PLEKHA1: variants seen among roughly 807,000 people sequenced by gnomAD.
PLEKHA1 encodes pleckstrin homology domain containing A1, also known as pleckstrin homology domain-containing family A member 1.
Under a neutral mutation model 52.0 loss-of-function variants are expected in PLEKHA1, and 34 were observed. The observed-to-expected ratio is 0.65, with a 90% CI of 0.50 to 0.87. PLEKHA1 has a LOEUF of 0.87. Among genes scored for constraint, PLEKHA1 ranks in the 40% least tolerant of loss-of-function variants. PLEKHA1 has a pLI of 0.00. For synonymous variants in PLEKHA1, 163 were observed against 170.7 expected, an observed-to-expected ratio of 0.95 and a Z score of 0.35; for missense variants, 497 against 504.2, an observed-to-expected ratio of 0.99 and a Z score of 0.14.
chr10:122,414,142 C>T (rs2097142883), intron 6 of PLEKHA1, among the ~76,000 whole-genome samples: 1 of 152,180 alleles, frequency 6.6e-6, no homozygotes, highest in East Asian at 1.9e-4. Context: ...TGATTTTAAA[C>T]TGTTAACCTT....
intron 1 of PLEKHA1, among the ~76,000 whole-genome samples, chr10:122,376,598 A>C (rs936299178): frequency 1.3e-5 from 2 of 151,512 alleles, no homozygotes; most frequent in Non-Finnish European, 2.9e-5. Flanking sequence ...TTATCTTGTT[A>C]ATTAGTATTT....
the PLEKHA1 span, chr10:122,440,707 C>A: frequency 2.6e-5 from 4 of 152,130 alleles, no homozygotes; most frequent in Non-Finnish European, 5.9e-5. Flanking sequence ...ACTGTAGTCC[C>A]TTTTAAAAGC....
At chr10:122,395,416 A>G (rs1565176291) in intron 2 of PLEKHA1, among the ~76,000 whole-genome samples, 1 of 152,136 alleles carries the variant, frequency 6.6e-6, no homozygotes, top group Non-Finnish European at 1.5e-5. Flanking sequence ...TAAATGTAAT[A>G]ATCAAGACAT....
chr10:122,404,972 A>G lies in PLEKHA1; in HGVS notation c.245-1604A>G, dbSNP rs544636686. ...GGAGACGTTTGGAAGTTATTTTTAT[A>G]TTTGAACAATTGCAACAGTATAACT... On this transcript the variant is annotated intron_variant, in intron 4 of 11. Coordinates refer to ENST00000368990, the MANE Select transcript of PLEKHA1 (RefSeq NM_001001974.4). Among the ~76,000 whole-genome samples the G allele has an allele frequency of 2.0e-5, 3 of 152,310 alleles. No individual in the cohort carries two copies. In the South Asian group the frequency reaches 6.2e-4, roughly 32 times the overall value.
At chr10:122,426,790 TA>T (rs2133613176) in intron 10 of PLEKHA1, 151 bp from the exon 11 acceptor site, 2 of 678,096 alleles carry the variant, frequency 2.9e-6, no homozygotes, top group Non-Finnish European at 4.8e-6. Flanking sequence ...AACCTGGCTT[TA>T]AAAAAATGAT....
chr10:122,390,352 T>G (rs2096759108), intron 1 of PLEKHA1, among the ~76,000 whole-genome samples: 1 of 152,396 alleles, frequency 6.6e-6, no homozygotes, highest in South Asian at 2.1e-4. Context: ...GTAGCACTTT[T>G]AATTTCCTTC....
chr10:122,376,029 T>G (rs1020658500), intron 1 of PLEKHA1, among the ~76,000 whole-genome samples: 1 of 152,220 alleles, frequency 6.6e-6, no homozygotes, highest in Non-Finnish European at 1.5e-5. Context: ...TCTGCTTTAT[T>G]TTCCCAAGTA....
chr10:122,402,388 C>T lies in PLEKHA1; in HGVS notation c.244+2000C>T, dbSNP rs528418241. On this transcript the variant is annotated intron_variant, in intron 4 of 11. Transcript: ENST00000368990. Reference sequence around the variant, plus strand: ...CCACAACTTTCATTCAAAGTGGCAACATATCTTCTCTCAGATTGTCCCAAA... The same window carrying T: ...CCACAACTTTCATTCAAAGTGGCAATATATCTTCTCTCAGATTGTCCCAAA... Among the ~76,000 whole-genome samples the T allele has an allele frequency of 1.1e-4, 17 of 152,322 alleles. No individual in the cohort carries two copies. The South Asian group carries it at 3.5e-3, about 32-fold the overall frequency.
intron 3 of PLEKHA1, among the ~76,000 whole-genome samples, chr10:122,398,379 A>G (rs1203235276): frequency 6.6e-6 from 1 of 152,070 alleles, no homozygotes; most frequent in Non-Finnish European, 1.5e-5. Context: ...TGAGGAAAAT[A>G]TGGACCATTT....
chr10:122,392,406 C>T (rs2096788623), intron 1 of PLEKHA1: 1 of 152,082 alleles, frequency 6.6e-6, no homozygotes. Flanking sequence ...ATCTAAAAAA[C>T]ATTTTTTCTT....
At chr10:122,436,629 G>A (rs1452763917), downstream of PLEKHA1, 1 of 152,178 alleles carries the variant, frequency 6.6e-6, no homozygotes, top group African/African-American at 2.4e-5. Flanking sequence ...TGTCCACGAG[G>A]AATCTGCCGA....
chr10:122,416,475 A>C (rs1174679040), intron 7 of PLEKHA1, among the ~76,000 whole-genome samples: 1 of 152,170 alleles, frequency 6.6e-6, no homozygotes, highest in Non-Finnish European at 1.5e-5. Context: ...TTCTGTCTTA[A>C]GGAATATCAT....
chr10:122,406,927 G>A lies in PLEKHA1; in HGVS notation c.342+254G>A, dbSNP rs1590655269. 3.9e-5 allele frequency among the ~76,000 whole-genome samples: 6 copies of A among 152,280 alleles called. 1 individual carries two copies. In the South Asian group the frequency reaches 1.0e-3, roughly 26 times the overall value. On this transcript the variant is annotated intron_variant, in intron 5 of 11. Coordinates refer to ENST00000368990, the MANE Select transcript of PLEKHA1 (RefSeq NM_001001974.4). The stretch of plus-strand genomic sequence containing the variant: ...TTACTGCAGATCTTAATCACTTCTT[G>A]CAACGTTTCTAGGAGAAAATGCGCT...
At chr10:122,387,542 A>G (rs2133863078) in intron 1 of PLEKHA1, 1 of 152,316 alleles carries the variant, frequency 6.6e-6, no homozygotes, top group South Asian at 2.1e-4. Context: ...TTTATATGGT[A>G]TATACCTGAG....
chr10:122,416,029 A>G (rs762015082), intron 7 of PLEKHA1, 27 bp downstream of exon 7: 2 of 1,574,698 alleles, frequency 1.3e-6, no homozygotes, highest in East Asian at 4.5e-5. Flanking sequence ...AATACATGAA[A>G]TAATGAAAAA....
downstream of PLEKHA1, chr10:122,434,765 G>A (rs1376348288): frequency 8.4e-6 from 1 of 119,374 alleles, no homozygotes; most frequent in Non-Finnish European, 1.6e-5. Context: ...TCCCCTTCCT[G>A]TGTCCATGTG....
chr10:122,390,530 C>T (rs1203012041), intron 1 of PLEKHA1, among the ~76,000 whole-genome samples: 2 of 152,148 alleles, frequency 1.3e-5, no homozygotes, highest in East Asian at 3.8e-4. Flanking sequence ...GTAATCCCAG[C>T]ACTTTGAGAG....
the PLEKHA1 span, chr10:122,441,172 A>C: frequency 2.0e-5 from 3 of 152,174 alleles, no homozygotes; most frequent in African/African-American, 7.2e-5. Context: ...TCTGACATCC[A>C]TTAAAGTTTG....
At chr10:122,387,569 A>G (rs1182328960) in intron 1 of PLEKHA1, 1 of 152,224 alleles carries the variant, frequency 6.6e-6, no homozygotes, top group Non-Finnish European at 1.5e-5. Flanking sequence ...TCTGTAGCAT[A>G]AAAGAACAGT....
Sources: gnomAD v4.1 joint callset for allele counts (sites outside exome capture counted in the v4.1 genomes callset) on GRCh38, gnomAD v4.1.1 for gene constraint, MANE v1.5 for transcripts, NCBI Gene and HGNC (gene_info 2026-07-23, HGNC 2026-07-21) for gene names.